Variants in LRRC7 observed in about 807,000 individuals in gnomAD.
The protein encoded by LRRC7 is leucine-rich repeat-containing protein 7.
LRRC7 carries 23 observed loss-of-function variants against 175.7 expected under a neutral mutation model. That is an observed-to-expected ratio of 0.13 (90% CI 0.09 to 0.19). The LOEUF (loss-of-function observed/expected upper bound fraction) is 0.19. Among genes scored for constraint, LRRC7 ranks in the 10% least tolerant of loss-of-function variants. LRRC7 has a pLI of 1.00. For missense variants in LRRC7, 1,354 were observed against 1,904.7 expected (o/e 0.71, Z 5.38); for synonymous variants, 685 against 680.9 (o/e 1.01, Z -0.09).
chr1:69,898,592 G>T (rs1646044220), intron 7 of LRRC7, among the ~76,000 whole-genome samples: 1 of 152,136 alleles, frequency 6.6e-6, no homozygotes, highest in Non-Finnish European at 1.5e-5. Context: ...GTTTGCACTG[G>T]TACTCTGCCA....
At chr1:69,715,245 A>G (rs1219743608) in intron 2 of LRRC7, among the ~76,000 whole-genome samples, 2 of 152,186 alleles carry the variant, frequency 1.3e-5, no homozygotes, top group Non-Finnish European at 2.9e-5. Context: ...CTGGACATGA[A>G]CTAGGTACTT....
chr1:69,716,825 G>A (rs1232986686), intron 2 of LRRC7, among the ~76,000 whole-genome samples: 10 of 151,690 alleles, frequency 6.6e-5, no homozygotes, highest in Non-Finnish European at 1.5e-4. Context: ...TTAAGAATGT[G>A]GAAAGAGTAA....
At chr1:69,626,969 A>G (rs534481660) in intron 1 of LRRC7, among the ~76,000 whole-genome samples, 1 of 152,036 alleles carries the variant, frequency 6.6e-6, no homozygotes, top group Non-Finnish European at 1.5e-5. Flanking sequence ...AATCCAGTCT[A>G]TCACTGATGG....
chr1:69,794,002 T>C (rs1189579530), intron 4 of LRRC7, among the ~76,000 whole-genome samples: 1 of 152,158 alleles, frequency 6.6e-6, no homozygotes, highest in Admixed American at 6.5e-5. Context: ...TACTATACAA[T>C]GAAGTACCTA....
chr1:70,023,118 T>TC lies in LRRC7; in HGVS notation c.1546-5dup. On this transcript the variant is annotated splice_polypyrimidine_tract_variant and splice_region_variant and intron_variant, in intron 16 of 26. Transcript: ENST00000651989. ...TCTCCCAGAAAATGGAGATTCCTTC[T>TC]CCCACAGGATCTCTCCTGCCAAGCC... 1 of 1,382,584 alleles carries TC rather than the reference T, an allele frequency of 7.2e-7. No individual in the cohort carries two copies. The highest frequency in any genetic ancestry group is 9.5e-7 in the Non-Finnish European group (1 of 1,055,712). The allele number at this position is 1,382,584 out of a possible 1,614,324, so 85.6% of individuals were successfully genotyped here.
intron 25 of LRRC7, among the ~76,000 whole-genome samples, chr1:70,098,720 G>C (rs991009394): frequency 1.2e-3 from 186 of 151,810 alleles, no homozygotes; most frequent in African/African-American, 4.3e-3. Context: ...AGAAAATCTA[G>C]AAGAAATGGA....
chr1:69,778,871 T>TATACACACAC (rs1231595280), intron 3 of LRRC7, among the ~76,000 whole-genome samples: 1 of 150,982 alleles, frequency 6.6e-6, no homozygotes, highest in Non-Finnish European at 1.5e-5. Context: ...AAAACAAATA[T>TATACACACAC]ATACACACAC....
intron 1 of LRRC7, among the ~76,000 whole-genome samples, chr1:69,656,701 A>G (rs371353610): frequency 3.9e-5 from 6 of 151,944 alleles, no homozygotes; most frequent in South Asian, 2.1e-4. Flanking sequence ...TTTAATTGAC[A>G]TTGAGGCTAC....
At position 70,121,768 on chromosome 1, in the gene LRRC7, G is replaced by C; in HGVS notation, c.4621-12G>C. On this transcript the variant is annotated splice_polypyrimidine_tract_variant and intron_variant, in intron 26 of 26. Transcript: ENST00000651989. ...TTACATTGATTGCCCTGTTTTATTTGTGTATTTACAGGCAAATGGACACAG... is the reference window on the plus strand; with the variant it reads ...TTACATTGATTGCCCTGTTTTATTTCTGTATTTACAGGCAAATGGACACAG... 1 of 1,536,518 alleles carries C rather than the reference G, an allele frequency of 6.5e-7. No homozygotes were observed. Among genetic ancestry groups the C allele is most frequent in the African/African-American group, 1.4e-5 (1 of 73,118 alleles).
At chr1:70,075,994 G>A in intron 23 of LRRC7, 83 bp from the exon 24 acceptor site, 1 of 1,424,602 alleles carries the variant, frequency 7.0e-7, no homozygotes, top group Non-Finnish European at 9.8e-7. Flanking sequence ...CTTTACCAGA[G>A]AGGTATTCTG....
intron 3 of LRRC7, among the ~76,000 whole-genome samples, chr1:69,790,609 A>G (rs1418343081): frequency 6.6e-6 from 1 of 151,950 alleles, no homozygotes; most frequent in Non-Finnish European, 1.5e-5. Context: ...TGAATCTGTA[A>G]CTGACCACAC....
At chr1:70,054,636 G>A (rs1325926847) in intron 23 of LRRC7, among the ~76,000 whole-genome samples, 1 of 112,906 alleles carries the variant, frequency 8.9e-6, no homozygotes. Flanking sequence ...CTGTCGCCTA[G>A]GCTGGAGCGC....
chr1:69,953,337 CA>C (rs1412309243), intron 8 of LRRC7, among the ~76,000 whole-genome samples: 1 of 152,058 alleles, frequency 6.6e-6, no homozygotes, highest in Non-Finnish European at 1.5e-5. Context: ...AACTCAAATA[CA>C]GCACTTTCTC....
intron 4 of LRRC7, among the ~76,000 whole-genome samples, chr1:69,800,806 T>G (rs1676388968): frequency 6.6e-6 from 1 of 151,906 alleles, no homozygotes; most frequent in Non-Finnish European, 1.5e-5. Flanking sequence ...GGCATTCTTG[T>G]CTTTCAGTTT....
Position 69,568,199 on chromosome 1 carries a change from T to C in LRRC7, c.-441T>C, listed in dbSNP as rs939396768. On this transcript the variant is annotated 5_prime_UTR_variant, in exon 1 of 27. Coordinates refer to ENST00000651989, the MANE Select transcript of LRRC7 (RefSeq NM_001370785.2). ...TACGGAGTTGGGTGCAGGATTCGCC[T>C]TTCCTGCTTGTCTCTTCTCCGCCCA... 1.3e-4 allele frequency among the ~76,000 whole-genome samples: 19 copies of C among 151,918 alleles called. No individual in the cohort carries two copies. Among genetic ancestry groups the C allele is most frequent in the Admixed American group, 1.1e-3 (17 of 15,276 alleles).
In LRRC7 at chr1:69,941,588, A is replaced by T. The variant is rs1648715001; in HGVS notation, c.711+10018A>T. ...GATCTGAATTTTGTAAATTGAGGACACCTATCAAAAACTAATACAAAATTA... is the reference window on the plus strand; with the variant it reads ...GATCTGAATTTTGTAAATTGAGGACTCCTATCAAAAACTAATACAAAATTA... On this transcript the variant is annotated intron_variant, in intron 8 of 26. Transcript: ENST00000651989. 2.6e-5 allele frequency among the ~76,000 whole-genome samples: 4 copies of T among 151,988 alleles called. No individual in the cohort carries two copies. In the South Asian group the frequency reaches 8.3e-4, roughly 31 times the overall value.
intron 8 of LRRC7, among the ~76,000 whole-genome samples, chr1:69,931,905 G>C (rs564291781): frequency 1.3e-5 from 2 of 152,290 alleles, no homozygotes; most frequent in South Asian, 4.1e-4. Flanking sequence ...GCTATTAAGT[G>C]CCTGAACAGG....
Position 70,038,344 on chromosome 1 carries a change from A to G in LRRC7, c.2520A>G (p.Thr840=). 2.5e-6 allele frequency: 4 copies of G among 1,614,154 alleles called. No individual in the cohort carries two copies. The highest frequency in any genetic ancestry group is 2.2e-5 in the East Asian group (1 of 44,870). Residue 840 remains threonine (T), a synonymous_variant, in exon 21 of 27, where the codon ACA becomes ACG. Coordinates refer to ENST00000651989, the MANE Select transcript of LRRC7 (RefSeq NM_001370785.2). ...TCTTAAGTTCGAAATCTAGAAGCACATCTTCGCATGGACGCAGGCCTTTGA... is the reference window on the plus strand; with the variant it reads ...TCTTAAGTTCGAAATCTAGAAGCACGTCTTCGCATGGACGCAGGCCTTTGA... ...NPLLSSKSRS[T]SSHGRRPLIR...
intron 1 of LRRC7, among the ~76,000 whole-genome samples, chr1:69,670,137 T>C (rs1294226638): frequency 1.3e-5 from 2 of 152,156 alleles, no homozygotes; most frequent in Non-Finnish European, 2.9e-5. Flanking sequence ...TTGATGCTTA[T>C]AGATATTCAT....
Sources: gnomAD v4.1 joint callset for allele counts (sites outside exome capture counted in the v4.1 genomes callset) on GRCh38, gnomAD v4.1.1 for gene constraint, MANE v1.5 for transcripts, NCBI Gene and HGNC (gene_info 2026-07-23, HGNC 2026-07-21) for gene names.